AFF3: variants seen among roughly 807,000 people sequenced by gnomAD.
The protein encoded by AFF3 is ALF transcription elongation factor 3, also known as AF4/FMR2 family member 3.
AFF3 carries 32 observed loss-of-function variants against 129.7 expected under a neutral mutation model. The ratio of observed to expected loss-of-function variants is 0.25; its 90% confidence interval spans 0.19 to 0.33. The LOEUF (loss-of-function observed/expected upper bound fraction) is 0.33, where lower values mean the gene tolerates loss of function less well. AFF3 is among the 10% of genes least tolerant of loss of function. The probability of loss-of-function intolerance (pLI) is 1.00; values close to 1 mark genes in which losing one functional copy is unlikely to be tolerated. For missense variants in AFF3, 1,373 were observed against 1,592.0 expected (o/e 0.86, Z 2.34); for synonymous variants, 644 against 635.4 (o/e 1.01, Z -0.20).
At chr2:99,889,128 AT>A (rs201762342) in intron 7 of AFF3, among the ~76,000 whole-genome samples, 11 of 150,832 alleles carry the variant, frequency 7.3e-5, no homozygotes, top group Non-Finnish European at 1.3e-4. Context: ...TTCTAGACAG[AT>A]TTTTTTTTTA....
intron 7 of AFF3, among the ~76,000 whole-genome samples, chr2:99,864,952 G>A (rs1300268995): frequency 1.3e-5 from 2 of 152,194 alleles, no homozygotes; most frequent in African/African-American, 2.4e-5. Context: ...CATGAATGTC[G>A]CATGTTGCTC....
At chr2:99,974,464 A>G (rs981146452) in intron 7 of AFF3, among the ~76,000 whole-genome samples, 2 of 152,212 alleles carry the variant, frequency 1.3e-5, no homozygotes, top group Non-Finnish European at 2.9e-5. Context: ...CTGTATCCAA[A>G]CACTCGCAGA....
chr2:99,745,846 C>G (rs752315646), intron 9 of AFF3, among the ~76,000 whole-genome samples: 2 of 152,180 alleles, frequency 1.3e-5, no homozygotes, highest in Non-Finnish European at 2.9e-5. Flanking sequence ...TTTACATCCT[C>G]TTTCTTTGCA....
chr2:99,726,055 T>G (rs1360775457), intron 11 of AFF3, among the ~76,000 whole-genome samples: 1 of 152,210 alleles, frequency 6.6e-6, no homozygotes, highest in African/African-American at 2.4e-5. Context: ...TTAGTAACAT[T>G]TTAACCATTT....
rs187611073 is a variant in AFF3, at chr2:100,105,931, T to C, written c.-144-348A>G. 3,535 of 1,329,278 alleles carry C rather than the reference T, an allele frequency of 2.7e-3. 9 individuals are homozygous for C. Among genetic ancestry groups the C allele is most frequent in the Non-Finnish European group, 3.0e-3 (3,036 of 1,003,316 alleles). 82.3% of individuals were successfully genotyped at this position (1,329,278 alleles called of 1,614,324 possible). On this transcript the variant is annotated intron_variant, in intron 2 of 24. Transcript: ENST00000672756. ...TCCAGCACTCTCCCCTTTGTTCCTT[T>C]TTCTGGGCAAGAACCGCTGACTGGG...
chr2:100,020,971 T>C (rs1397309121), intron 4 of AFF3, among the ~76,000 whole-genome samples: 1 of 152,228 alleles, frequency 6.6e-6, no homozygotes, highest in Non-Finnish European at 1.5e-5. Flanking sequence ...GTAGCCCTGC[T>C]CATCTGCTCA....
intron 13 of AFF3, among the ~76,000 whole-genome samples, chr2:99,607,649 A>G (rs1416067328): frequency 6.6e-6 from 1 of 152,154 alleles, no homozygotes; most frequent in Non-Finnish European, 1.5e-5. Context: ...TTGTCCACAC[A>G]CTTTTAACTG....
chr2:99,605,631 A>C (rs1680256546), intron 13 of AFF3, among the ~76,000 whole-genome samples: 1 of 152,202 alleles, frequency 6.6e-6, no homozygotes, highest in African/African-American at 2.4e-5. Context: ...AGAAGCCAGG[A>C]ATGGCATTCC....
In AFF3 at chr2:99,774,267, C is replaced by T. The variant is rs373158906; in HGVS notation, c.922-21966G>A. ...ATTCATATGGAACCAAAAAAGAGCC[C>T]AAATAGCCAAGGCAATCCTAATCCT... On this transcript the variant is annotated intron_variant, in intron 8 of 24. Transcript: ENST00000672756. 3.3e-5 allele frequency among the ~76,000 whole-genome samples: 5 copies of T among 152,178 alleles called. No individual in the cohort carries two copies. The East Asian group carries it at 9.6e-4, about 29-fold the overall frequency.
At chr2:99,857,331 A>C (rs1690603800) in intron 7 of AFF3, among the ~76,000 whole-genome samples, 1 of 152,238 alleles carries the variant, frequency 6.6e-6, no homozygotes, top group African/African-American at 2.4e-5. Flanking sequence ...CAATTGTCAC[A>C]GTTTGTTTAT....
chr2:99,759,808 T>C (rs1305538097), intron 8 of AFF3, among the ~76,000 whole-genome samples: 1 of 152,224 alleles, frequency 6.6e-6, no homozygotes, highest in Non-Finnish European at 1.5e-5. Flanking sequence ...CATTAAAATT[T>C]CACACTAGAA....
At chr2:99,724,195 C>G (rs911371967) in intron 11 of AFF3, among the ~76,000 whole-genome samples, 21 of 150,760 alleles carry the variant, frequency 1.4e-4, no homozygotes, top group African/African-American at 4.9e-4. Flanking sequence ...GAGACCCACA[C>G]CCCCTCTTGG....
chr2:100,049,317 A>G (rs889268526), intron 4 of AFF3, among the ~76,000 whole-genome samples: 3 of 152,156 alleles, frequency 2.0e-5, no homozygotes, highest in African/African-American at 7.2e-5. Context: ...GGAGGAAACA[A>G]TTGGAACTGG....
chr2:99,556,734 C>A (rs1674961707), intron 22 of AFF3, among the ~76,000 whole-genome samples: 1 of 151,884 alleles, frequency 6.6e-6, no homozygotes, highest in South Asian at 2.1e-4. Context: ...AGGGTCTGGA[C>A]AACACAAGGA....
chr2:99,627,370 G>A (rs746421215), intron 13 of AFF3, among the ~76,000 whole-genome samples: 7 of 151,976 alleles, frequency 4.6e-5, no homozygotes, highest in Non-Finnish European at 7.4e-5. Flanking sequence ...CCGCATGTAT[G>A]TCTTCTTTTG....
At chr2:99,842,654 G>C (rs1689401521) in intron 7 of AFF3, among the ~76,000 whole-genome samples, 1 of 152,214 alleles carries the variant, frequency 6.6e-6, no homozygotes, top group Non-Finnish European at 1.5e-5. Context: ...TGTCTAGCAT[G>C]TGATTTCCCT....
intron 4 of AFF3, among the ~76,000 whole-genome samples, chr2:100,053,753 C>T (rs925059784): frequency 9.9e-5 from 15 of 152,196 alleles, no homozygotes; most frequent in African/African-American, 1.7e-4. Flanking sequence ...TAATTATTCA[C>T]GCCAGCATGA....
Position 100,105,558 on chromosome 2 carries a change from TC to T in AFF3, c.-120del. On this transcript the variant is annotated 5_prime_UTR_variant, in exon 3 of 25. Coordinates refer to ENST00000672756, the MANE Select transcript of AFF3 (RefSeq NM_001386135.1). Reference sequence around the variant, plus strand: ...GTCGACTTCAAACTTGCCGCCCGTCTCCGGTCTGGAAAGGCAGGTGATCAGC... The same window carrying T: ...GTCGACTTCAAACTTGCCGCCCGTCTCGGTCTGGAAAGGCAGGTGATCAGC... The T allele has an allele frequency of 2.3e-6, 3 of 1,332,436 alleles. No homozygotes were observed. Among genetic ancestry groups the T allele is most frequent in the Non-Finnish European group, 3.0e-6 (3 of 1,005,222 alleles). 82.5% of individuals were successfully genotyped at this position (1,332,436 alleles called of 1,614,324 possible).
chr2:100,024,712 A>C (rs1329084425), intron 4 of AFF3, among the ~76,000 whole-genome samples: 1 of 152,128 alleles, frequency 6.6e-6, no homozygotes, highest in African/African-American at 2.4e-5. Context: ...AGCACTTCGT[A>C]CAATAGAAGA....
Sources: allele counts gnomAD v4.1 joint callset (sites outside exome capture counted in the v4.1 genomes callset), GRCh38; gene constraint gnomAD v4.1.1; transcripts MANE v1.5; gene names NCBI Gene and HGNC (gene_info 2026-07-23, HGNC 2026-07-21).